Variants in CSMD1 observed in about 807,000 individuals in gnomAD.
CSMD1 encodes the protein CUB and sushi domain-containing protein 1.
Under a neutral mutation model 417.5 loss-of-function variants are expected in CSMD1, and 213 were observed. The observed-to-expected ratio is 0.51, with a 90% CI of 0.46 to 0.57. The LOEUF is 0.57. Among genes scored for constraint, CSMD1 ranks in the 20% least tolerant of loss-of-function variants. The probability of loss-of-function intolerance (pLI) is 0.00; values close to 1 mark genes in which losing one functional copy is unlikely to be tolerated. For missense variants in CSMD1, 6,923 were observed against 4,529.7 expected (o/e 1.53, Z -15.17); for synonymous variants, 2,862 against 1,736.8 (o/e 1.65, Z -16.11).
chr8:3,167,337 A>G (rs1259981510), intron 37 of CSMD1, among the ~76,000 whole-genome samples: 1 of 151,594 alleles, frequency 6.6e-6, no homozygotes, highest in East Asian at 1.9e-4. Flanking sequence ...TAGGTTGGCT[A>G]TCACTTTTAA....
At chr8:4,746,468 T>C (rs985323642) in intron 1 of CSMD1, among the ~76,000 whole-genome samples, 1 of 152,198 alleles carries the variant, frequency 6.6e-6, no homozygotes. Context: ...TCAGGCTCCC[T>C]CAAGAATGAG....
rs193074670 is a variant in CSMD1, at chr8:4,370,270, C to A, written c.415+49683G>T. ...TTTAAGGATATTCAATACAGGCTCC[C>A]AGTCTTTCCCAGTTTGTAAGGTTTG... On this transcript the variant is annotated intron_variant, in intron 3 of 69. Coordinates refer to ENST00000635120, the MANE Select transcript of CSMD1 (RefSeq NM_033225.6). Among the ~76,000 whole-genome samples, 3 of 151,946 alleles carry A rather than the reference C, an allele frequency of 2.0e-5. No individual in the cohort carries two copies. The East Asian group carries it at 5.8e-4, about 29-fold the overall frequency.
intron 2 of CSMD1, among the ~76,000 whole-genome samples, chr8:4,548,387 T>C (rs1797725324): frequency 6.6e-6 from 1 of 152,180 alleles, no homozygotes; most frequent in African/African-American, 2.4e-5. Flanking sequence ...ATTCATGTTG[T>C]ATATTTAGAC....
rs146051491 is a variant in CSMD1 at position 3,377,803 on chromosome 8, C to G, written c.2783-8433G>C. The stretch of plus-strand genomic sequence containing the variant: ...ATGAATGTTTCCTCAGTTACTACCC[C>G]CTGGGAGCTTAAAATCAAACTGAAC... On this transcript the variant is annotated intron_variant, in intron 18 of 69. Transcript: ENST00000635120. 4.6e-3 allele frequency among the ~76,000 whole-genome samples: 701 copies of G among 152,266 alleles called. 4 individuals carry two copies. The highest frequency in any genetic ancestry group is 0.016 in the African/African-American group (670 of 41,538).
At chr8:3,087,076 G>A (rs755332408) in intron 49 of CSMD1, 21 bp downstream of exon 49, 4 of 1,602,740 alleles carry the variant, frequency 2.5e-6, no homozygotes, top group Non-Finnish European at 3.4e-6. Context: ...ACAAGGCTGG[G>A]GATGAAAACG....
At chr8:4,065,065 A>G (rs1271878466) in intron 3 of CSMD1, among the ~76,000 whole-genome samples, 1 of 152,256 alleles carries the variant, frequency 6.6e-6, no homozygotes, top group Non-Finnish European at 1.5e-5. Flanking sequence ...ATTACTGATT[A>G]TAATTTTACC....
At chr8:3,053,778 A>C (rs1284659727) in intron 49 of CSMD1, among the ~76,000 whole-genome samples, 2 of 152,242 alleles carry the variant, frequency 1.3e-5, no homozygotes, top group African/African-American at 4.8e-5. Context: ...AAGCAGGCAG[A>C]GGGTGACATT....
intron 26 of CSMD1, among the ~76,000 whole-genome samples, chr8:3,243,902 CTACA>C (rs1799710399): frequency 6.6e-6 from 1 of 152,058 alleles, no homozygotes; most frequent in African/African-American, 2.4e-5. Flanking sequence ...AATGCATGAA[CTACA>C]TACATGTTTT....
intron 12 of CSMD1, among the ~76,000 whole-genome samples, chr8:3,433,680 G>C (rs1488384539): frequency 2.0e-5 from 3 of 152,164 alleles, no homozygotes; most frequent in African/African-American, 7.2e-5. Flanking sequence ...TTCTCTCTTA[G>C]TGGAAAGTGA....
At chr8:3,881,078 C>G (rs1284416043) in intron 5 of CSMD1, among the ~76,000 whole-genome samples, 1 of 152,028 alleles carries the variant, frequency 6.6e-6, no homozygotes. Context: ...ATATAAAAAA[C>G]TGAATGCACG....
intron 1 of CSMD1, among the ~76,000 whole-genome samples, chr8:4,646,497 T>C (rs1453029900): frequency 6.6e-6 from 1 of 152,168 alleles, no homozygotes; most frequent in Non-Finnish European, 1.5e-5. Flanking sequence ...TGTAGTTTAA[T>C]TGGGATACTA....
At chr8:3,595,745 T>C (rs921979209) in intron 8 of CSMD1, among the ~76,000 whole-genome samples, 2 of 152,232 alleles carry the variant, frequency 1.3e-5, no homozygotes, top group Admixed American at 6.5e-5. Context: ...TATAAGTTCA[T>C]GTAAACCTGC....
intron 10 of CSMD1, among the ~76,000 whole-genome samples, chr8:3,530,053 G>A (rs1226796732): frequency 6.6e-6 from 1 of 152,048 alleles, no homozygotes; most frequent in African/African-American, 2.4e-5. Context: ...CATGCTAAAT[G>A]CTCAGTCTAT....
chr8:3,372,154 G>T (rs1809996385), intron 18 of CSMD1, among the ~76,000 whole-genome samples: 1 of 152,200 alleles, frequency 6.6e-6, no homozygotes, highest in Non-Finnish European at 1.5e-5. Flanking sequence ...TGGGTGGCCA[G>T]CGGTGCCGTA....
intron 3 of CSMD1, among the ~76,000 whole-genome samples, chr8:4,048,436 C>T (rs1311971974): frequency 6.6e-6 from 1 of 152,052 alleles, no homozygotes; most frequent in Non-Finnish European, 1.5e-5. Context: ...CATGAACTCT[C>T]CTATTTTCCC....
intron 1 of CSMD1, among the ~76,000 whole-genome samples, chr8:4,840,504 A>C (rs1208110437): frequency 1.3e-5 from 2 of 152,236 alleles, no homozygotes; most frequent in Non-Finnish European, 2.9e-5. Flanking sequence ...AAGTAAATTA[A>C]GTTATGGTGG....
intron 1 of CSMD1, among the ~76,000 whole-genome samples, chr8:4,937,172 G>A (rs552395667): frequency 2.6e-5 from 4 of 152,190 alleles, no homozygotes; most frequent in Admixed American, 6.5e-5. Context: ...CTGATCCTGA[G>A]ACTGCATTAC....
At chr8:3,275,648 A>C (rs928619364) in intron 26 of CSMD1, among the ~76,000 whole-genome samples, 4 of 151,888 alleles carry the variant, frequency 2.6e-5, no homozygotes, top group African/African-American at 9.7e-5. Flanking sequence ...TTTTTTCTCT[A>C]AACTTCCCTT....
chr8:3,472,478 GT>G (rs963255255), intron 11 of CSMD1, among the ~76,000 whole-genome samples: 111 of 152,106 alleles, frequency 7.3e-4, no homozygotes, highest in African/African-American at 2.5e-3. Context: ...CTACCAATCT[GT>G]CCCATCTCTG....
Sources: gnomAD v4.1 joint callset for allele counts (sites outside exome capture counted in the v4.1 genomes callset) on GRCh38, gnomAD v4.1.1 for gene constraint, MANE v1.5 for transcripts, NCBI Gene and HGNC (gene_info 2026-07-23, HGNC 2026-07-21) for gene names.